MUC3A: variants seen among roughly 807,000 people sequenced by gnomAD.
The protein encoded by MUC3A is mucin-3A.
MUC3A carries 109 observed loss-of-function variants against 109.0 expected under a neutral mutation model. That is an observed-to-expected ratio of 1.00 (90% confidence interval 0.86 to 1.17). The LOEUF is 1.17. Ranked by LOEUF, MUC3A falls within the 50% of genes most tolerant of loss-of-function variation. The pLI is 0.00. For synonymous variants in MUC3A, 1,398 were observed against 981.4 expected (o/e 1.42, Z -7.93); for missense variants, 3,537 against 2,469.4 (o/e 1.43, Z -9.16).
chr7:100,960,404 C>A lies in MUC3A; in HGVS notation c.8625C>A (p.Asn2875Lys), dbSNP rs757748681. Residue 2875 changes from asparagine to lysine, a missense_variant, in exon 2 of 12, where the codon AAC becomes AAA. Physicochemically the swap from Asn to Lys is moderately conservative, Grantham distance 94. Transcript: ENST00000379458. ...CCACCAGTGAGACCTGGCTGAGCAA[C>A]AGTTCTGTGATCCCCCTACCTCTTC... ...RLPTSETWLS[N>K]SSVIPLPLPG... 979 of 1,596,810 alleles carry A rather than the reference C, an allele frequency of 6.1e-4. No individual in the cohort carries two copies. The Admixed American group carries it at 0.014, about 22-fold the overall frequency.
chr7:100,964,448 A>C, intron 5 of MUC3A: 1 of 574,632 alleles, frequency 1.7e-6, no homozygotes, highest in South Asian at 3.6e-5. Flanking sequence ...TGACAGCAAG[A>C]CTTTGTCTCT....
At position 100,965,757 on chromosome 7, in the gene MUC3A, G is replaced by C; in HGVS notation, c.9502G>C (p.Val3168Leu). ...TGYEEFYFPL[V>L]EATRLRCVTK... is the part of the protein sequence containing the mutation. ...CTATGAAGAGTTCTACTTCCCCTTG[G>C]TGGAGGCCACCCGGCTCCGCTGTGT... is the stretch of plus-strand genomic sequence containing the variant. Residue 3168 changes from valine to leucine, a missense_variant, in exon 8 of 12, where the codon GTG becomes CTG. Val to Leu is a conservative substitution (Grantham distance 32). Transcript: ENST00000379458. The C allele has an allele frequency of 5.6e-6, 9 of 1,598,430 alleles. No individual in the cohort carries two copies. The highest frequency in any genetic ancestry group is 7.6e-6 in the Non-Finnish European group (9 of 1,179,760).
At chr7:100,963,871 C>T (rs1274810567) in intron 5 of MUC3A, 119 bp downstream of exon 5, 22 of 1,414,946 alleles carry the variant, frequency 1.6e-5, no homozygotes, top group Admixed American at 5.9e-5. Context: ...GGAGGGGGTA[C>T]ATAAGGAATC....
At chr7:100,966,237 G>GGGTGGAGACCCGTCCGCTTGTTGTCC in intron 8 of MUC3A, 149 bp from the exon 9 acceptor site, 1 of 663,564 alleles carries the variant, frequency 1.5e-6, no homozygotes, top group Non-Finnish European at 2.1e-6. Flanking sequence ...CCTCGTTCTA[G>GGGTGGAGACCCGTCCGCTTGTTGTCC]GGTGGATTCC....
rs1792584363 is a variant in MUC3A, at chr7:100,966,748, GTCCTGCC to G, written c.9877+11_9877+17del. On this transcript the variant is annotated splice_donor_region_variant and intron_variant, in intron 10 of 11. Coordinates refer to ENST00000379458, the MANE Select transcript of MUC3A (RefSeq NM_005960.2). ...GTTTCGAGGACGACGGAACAGGTGA[GTCCTGCC>G]TCCTGGGGAAGCAGGCAGAGGCTTT... 1 of 1,598,552 alleles carries G rather than the reference GTCCTGCC, an allele frequency of 6.3e-7. No homozygotes were observed. Among genetic ancestry groups the G allele is most frequent in the African/African-American group, 1.3e-5 (1 of 75,086 alleles).
At position 100,958,685 on chromosome 7, in the gene MUC3A, C is replaced by G. The variant is rs375674599; in HGVS notation, c.6906C>G (p.His2302Gln). ...SLITTTKTTS[H>Q]STPSFTSSIT... ...TCACCACCACCAAGACCACCTCACA[C>G]AGTACTCCCAGCTTCACTTCTTCGA... Residue 2302 changes from histidine to glutamine, a missense_variant, in exon 2 of 12, where the codon CAC becomes CAG. Coordinates refer to ENST00000379458, the MANE Select transcript of MUC3A (RefSeq NM_005960.2). The G allele has an allele frequency of 7.2e-5, 114 of 1,587,986 alleles. No individual in the cohort carries two copies. In the African/African-American group the frequency reaches 1.1e-3, roughly 15 times the overall value.
intron 4 of MUC3A, 104 bp from the exon 5 acceptor site, chr7:100,963,584 C>A (rs532222795): frequency 1.5e-5 from 24 of 1,558,670 alleles, no homozygotes; most frequent in Non-Finnish European, 2.0e-5. Context: ...GGCACCCGGC[C>A]GGGGAGGGGA....
chr7:100,949,723 C>G, intron 1 of MUC3A, 38 bp downstream of exon 1: 2 of 1,481,972 alleles, frequency 1.3e-6, no homozygotes, highest in Non-Finnish European at 1.8e-6. Context: ...GAGAAAAGCT[C>G]CTGATGTGAT....
Position 100,963,710 on chromosome 7 carries a change from T to C in MUC3A, c.9191T>C (p.Met3064Thr), listed in dbSNP as rs1485650426. The C allele has an allele frequency of 1.3e-6, 2 of 1,598,526 alleles. No individual in the cohort carries two copies. Among genetic ancestry groups the C allele is most frequent in the East Asian group, 2.2e-5 (1 of 44,890 alleles). The change falls in exon 5 of 12, where the codon ATG becomes ACG. Residue 3064 changes from methionine (M) to threonine (T), a missense_variant. Physicochemically the swap from Met to Thr is moderately conservative, Grantham distance 81 (BLOSUM62 -1). Coordinates refer to ENST00000379458, the MANE Select transcript of MUC3A (RefSeq NM_005960.2). Reference protein sequence around the residue: ...WNQMQKIFADMQGFTFKGVEI... With the variant: ...WNQMQKIFADTQGFTFKGVEI... ...CAGATGCAGAAGATTTTTGCAGACATGCAGGGCTTCACCTTCAAGGGTGTG... is the reference window on the plus strand; with the variant it reads ...CAGATGCAGAAGATTTTTGCAGACACGCAGGGCTTCACCTTCAAGGGTGTG...
In MUC3A at chr7:100,955,932, C is replaced by T; in HGVS notation, c.4153C>T (p.Pro1385Ser). The T allele has an allele frequency of 2.3e-6, 1 of 435,752 alleles. No individual in the cohort carries two copies. The allele number at this position is 435,752 out of a possible 1,614,324, so 27.0% of individuals were successfully genotyped here. ...ESLTTAMTST[P>S]PITSSITPTD... Reference sequence around the variant, plus strand: ...TCTCACAACAGCCATGACTTCTACTCCCCCCATCACTTCTTCAATCACTCC... The same window carrying T: ...TCTCACAACAGCCATGACTTCTACTTCCCCCATCACTTCTTCAATCACTCC... The change falls in exon 2 of 12, where the codon CCC becomes TCC. Residue 1385 changes from proline to serine, a missense_variant. By Grantham distance (74) the Pro-to-Ser change is moderately conservative (BLOSUM62 -1). Coordinates refer to ENST00000379458, the MANE Select transcript of MUC3A (RefSeq NM_005960.2).
At position 100,953,030 on chromosome 7, in the gene MUC3A, C is replaced by T; in HGVS notation, c.1251C>T (p.Ala417=). The change falls in exon 2 of 12, where the codon GCC becomes GCT. Residue 417 remains alanine (A), a synonymous_variant. Transcript: ENST00000379458. ...CCACAGTCAGCACATCCACAACTGC[C>T]ATCTCCTCACTTCCCCCTACCTCAG... is the stretch of plus-strand genomic sequence containing the variant. ...IYSTVSTSTT[A]ISSLPPTSGT... The T allele has an allele frequency of 6.5e-7, 1 of 1,542,252 alleles. No homozygotes were observed. The highest frequency in any genetic ancestry group is 8.9e-7 in the Non-Finnish European group (1 of 1,128,580).
intron 7 of MUC3A, 174 bp downstream of exon 7, chr7:100,965,521 GC>G: frequency 7.1e-7 from 1 of 1,415,802 alleles, no homozygotes; most frequent in Non-Finnish European, 9.5e-7. Flanking sequence ...GACAGCAGGG[GC>G]CACGAGGAGA....
intron 3 of MUC3A, 146 bp from the exon 4 acceptor site, chr7:100,963,005 C>A: frequency 1.2e-6 from 1 of 852,314 alleles, no homozygotes; most frequent in Non-Finnish European, 1.8e-6. Context: ...CCTGGAATTC[C>A]TACATCTGTT....
In MUC3A at chr7:100,953,107, T is replaced by C. The variant is rs1179939468; in HGVS notation, c.1328T>C (p.Ile443Thr). ...ACCCCATCTTCTCTGAGTACAGACA[T>C]CCCTTTCACAACACCAACAACTATC... ...TMTPSSLSTD[I>T]PFTTPTTITH... is the part of the protein sequence containing the mutation. The change falls in exon 2 of 12, where the codon ATC (isoleucine) becomes ACC (threonine). Residue 443 changes from isoleucine to threonine, a missense_variant. Ile to Thr is a moderately conservative substitution (Grantham distance 89, BLOSUM62 -1). Transcript: ENST00000379458. 6 of 897,828 alleles carry C rather than the reference T, an allele frequency of 6.7e-6. No individual in the cohort carries two copies. Among genetic ancestry groups the C allele is most frequent in the East Asian group, 5.2e-5 (2 of 38,536 alleles). 55.6% of individuals were successfully genotyped at this position (897,828 alleles called of 1,614,324 possible). A position where few individuals can be genotyped will look rare whatever the true frequency, so the allele number is the denominator to read the frequency against.
In MUC3A at chr7:100,966,734, G is replaced by A; in HGVS notation, c.9868G>A (p.Asp3290Asn). ...GTFSNWGFEDDGTDKDTNFYV... is the reference protein window; with the variant it reads ...GTFSNWGFEDNGTDKDTNFYV... ...TTTTTCAAACTGGGGTTTCGAGGAC[G>A]ACGGAACAGGTGAGTCCTGCCTCCT... The change falls in exon 10 of 12, where the codon GAC becomes AAC. Residue 3290 changes from aspartate (D) to asparagine (N), a missense_variant. Transcript: ENST00000379458. The A allele has an allele frequency of 6.3e-7, 1 of 1,598,550 alleles. No individual in the cohort carries two copies. The highest frequency in any genetic ancestry group is 8.5e-7 in the Non-Finnish European group (1 of 1,179,828).
Position 100,958,966 on chromosome 7 carries a change from T to C in MUC3A, c.7187T>C (p.Val2396Ala), listed in dbSNP as rs376956498. ...LHSTPGLTSW[V>A]TTTKTTSHIT... ...AGTACTCCTGGCCTCACTTCGTGGG[T>C]CACCACCACCAAGACCACCTCACAC... is the stretch of plus-strand genomic sequence containing the variant. The change falls in exon 2 of 12, where the codon GTC (valine) becomes GCC (alanine). Residue 2396 changes from valine to alanine, a missense_variant. Val to Ala is a moderately conservative substitution (Grantham distance 64). Transcript: ENST00000379458. 4.3e-5 allele frequency: 64 copies of C among 1,479,970 alleles called. No individual in the cohort carries two copies. Among genetic ancestry groups the C allele is most frequent in the Middle Eastern group, 1.7e-4 (1 of 5,790 alleles). The allele number at this position is 1,479,970 out of a possible 1,614,324, so 91.7% of individuals were successfully genotyped here. A position where few individuals can be genotyped will look rare whatever the true frequency, so the allele number is the denominator to read the frequency against.
Position 100,965,735 on chromosome 7 carries a change from T to C in MUC3A, c.9480T>C (p.Tyr3160=), listed in dbSNP as rs778296099. Residue 3160 remains tyrosine, a synonymous_variant, in exon 8 of 12, where the codon TAT becomes TAC. Transcript: ENST00000379458. ...GCCGCCGCGCCGCTCCCACGGGCTA[T>C]GAAGAGTTCTACTTCCCCTTGGTGG... ...AICRRAAPTG[Y]EEFYFPLVEA... 1.1e-5 allele frequency: 17 copies of C among 1,598,216 alleles called. No homozygotes were observed. The Middle Eastern group carries it at 4.9e-4, about 46-fold the overall frequency.
In MUC3A at chr7:100,959,564, A is replaced by C; in HGVS notation, c.7785A>C (p.Ala2595=). The part of the protein sequence containing the change: ...TSATGTQTSP[A]PTTVTFGSTD... Reference sequence around the variant, plus strand: ...CCACTGGGACCCAAACATCTCCTGCACCTACTACTGTCACCTTTGGAAGTA... The same window carrying C: ...CCACTGGGACCCAAACATCTCCTGCCCCTACTACTGTCACCTTTGGAAGTA... Residue 2595 remains alanine, a synonymous_variant, in exon 2 of 12, where the codon GCA becomes GCC. Transcript: ENST00000379458. The C allele has an allele frequency of 1.3e-6, 2 of 1,593,904 alleles. No homozygotes were observed. The highest frequency in any genetic ancestry group is 1.7e-5 in the Admixed American group (1 of 59,742).
At position 100,959,886 on chromosome 7, in the gene MUC3A, T is replaced by C. The variant is rs770923992; in HGVS notation, c.8107T>C (p.Phe2703Leu). 1 of 1,548,956 alleles carries C rather than the reference T, an allele frequency of 6.5e-7. No individual in the cohort carries two copies. The highest frequency in any genetic ancestry group is 1.8e-5 in the Admixed American group (1 of 54,078). ...SPSSASITPVFSTTIHSVPSS... is the reference protein window; with the variant it reads ...SPSSASITPVLSTTIHSVPSS... ...ATCTTCTGCCAGCATAACTCCAGTG[T>C]TTTCCACTACCATTCATTCTGTTCC... Residue 2703 changes from phenylalanine (F) to leucine (L), a missense_variant, in exon 2 of 12, where the codon TTT becomes CTT. Coordinates refer to ENST00000379458, the MANE Select transcript of MUC3A (RefSeq NM_005960.2).
Sources: allele counts gnomAD v4.1 joint callset, GRCh38; gene constraint gnomAD v4.1.1; transcripts MANE v1.5; gene names NCBI Gene and HGNC (gene_info 2026-07-23, HGNC 2026-07-21).